SCN3B: variants seen among roughly 807,000 people sequenced by gnomAD.
SCN3B encodes sodium channel regulatory subunit beta-3.
SCN3B carries 11 observed loss-of-function variants against 25.4 expected under a neutral mutation model. That is an observed-to-expected ratio of 0.43 (90% CI 0.27 to 0.72). SCN3B has a LOEUF of 0.72. Among genes scored for constraint, SCN3B ranks in the 30% least tolerant of loss-of-function variants. The pLI is 0.18. For missense variants in SCN3B, 218 were observed against 278.3 expected (o/e 0.78, Z 1.54); for synonymous variants, 109 against 110.7 (o/e 0.99, Z 0.09).
At chr11:123,638,090 T>A in intron 5 of SCN3B, 96 bp downstream of exon 5, 2 of 1,389,260 alleles carry the variant, frequency 1.4e-6, no homozygotes, top group Non-Finnish European at 2.0e-6. Context: ...ATGAAGAGGG[T>A]GGAGGATGAA....
chr11:123,653,773 A>G lies in SCN3B; in HGVS notation c.29T>C (p.Leu10Pro), dbSNP rs121918282. 686 of 1,614,104 alleles carry G rather than the reference A, an allele frequency of 4.3e-4. No individual in the cohort carries two copies. Among genetic ancestry groups the G allele is most frequent in the Non-Finnish European group, 5.3e-4 (631 of 1,180,048 alleles). MPAFNRLFP[L>P]ASLVLIYWVS... ...CCAGTAGATAAGCACGAGAGAAGCCAGGGGAAACAATCTATTGAAGGCAGG... is the reference window on the plus strand; with the variant it reads ...CCAGTAGATAAGCACGAGAGAAGCCGGGGGAAACAATCTATTGAAGGCAGG... The change falls in exon 2 of 7, where the codon CTG (leucine) becomes CCG (proline). Residue 10 changes from leucine (L) to proline (P), a missense_variant. By Grantham distance (98) the Leu-to-Pro change is moderately conservative. Coordinates refer to ENST00000299333, the MANE Select transcript of SCN3B (RefSeq NM_001040151.2).
At chr11:123,644,802 T>TAC (rs1955833267) in intron 3 of SCN3B, among the ~76,000 whole-genome samples, 1 of 24,118 alleles carries the variant, frequency 4.1e-5, no homozygotes, top group Non-Finnish European at 7.2e-5. Flanking sequence ...AGAGAGAGAA[T>TAC]ATATATATAT....
chr11:123,629,195 C>T lies in SCN3B; in HGVS notation c.*4604G>A, dbSNP rs1351995927. 6.6e-6 allele frequency: 1 copy of T among 152,178 alleles called. No homozygotes were observed. Among genetic ancestry groups the T allele is most frequent in the Non-Finnish European group, 1.5e-5 (1 of 68,038 alleles). The allele number at this position is 152,178 out of a possible 1,614,324, so 9.4% of individuals were successfully genotyped here. ...GAGCAAAACCAGAGACAGTGGTTTT[C>T]AGGGATACTTTATTGACATGAACAA... On this transcript the variant is annotated 3_prime_UTR_variant, in exon 7 of 7. Transcript: ENST00000299333.
intron 2 of SCN3B, among the ~76,000 whole-genome samples, chr11:123,651,103 T>A (rs1955919957): frequency 6.6e-6 from 1 of 150,478 alleles, no homozygotes; most frequent in African/African-American, 2.4e-5. Flanking sequence ...GTATTAATTA[T>A]TTATTGTATT....
intron 5 of SCN3B, among the ~76,000 whole-genome samples, chr11:123,637,125 T>C (rs1404111338): frequency 1.3e-5 from 2 of 152,216 alleles, no homozygotes; most frequent in African/African-American, 4.8e-5. Flanking sequence ...GCCAGCATGA[T>C]CTCTTAAGAC....
At position 123,642,980 on chromosome 11, in the gene SCN3B, G is replaced by T. The variant is rs1955809463; in HGVS notation, c.220-309C>A. The stretch of plus-strand genomic sequence containing the variant: ...GCAGAAAAAAAGGGGTGGAAAGAGG[G>T]AGAACAAAGGCAGGCGGGAGAAGAG... On this transcript the variant is annotated intron_variant, in intron 3 of 6. Coordinates refer to ENST00000299333, the MANE Select transcript of SCN3B (RefSeq NM_001040151.2). This position sits in a 1 kb window ranked among gnomAD's most constrained non-coding sequence, Gnocchi z 4.3. Among the ~76,000 whole-genome samples the T allele has an allele frequency of 6.6e-6, 1 of 152,116 alleles. No homozygotes were observed. The highest frequency in any genetic ancestry group is 1.5e-5 in the Non-Finnish European group (1 of 68,018).
intron 4 of SCN3B, among the ~76,000 whole-genome samples, chr11:123,641,973 A>G (rs374901064): frequency 1.3e-5 from 2 of 152,172 alleles, no homozygotes; most frequent in Non-Finnish European, 1.5e-5. Flanking sequence ...GCTGGCTTCC[A>G]AAAAGCCCTG....
intron 5 of SCN3B, among the ~76,000 whole-genome samples, chr11:123,637,289 A>G (rs75254384): frequency 6.6e-6 from 1 of 152,090 alleles, no homozygotes; most frequent in Non-Finnish European, 1.5e-5. Context: ...GGGAAATAAC[A>G]TGTTGCTTGG....
intron 5 of SCN3B, 71 bp downstream of exon 5, chr11:123,638,115 C>T (rs1386088935): frequency 1.6e-5 from 25 of 1,575,294 alleles, no homozygotes; most frequent in Non-Finnish European, 2.1e-5. Flanking sequence ...AACTGCTTAG[C>T]ACCTCACCTG....
chr11:123,649,089 A>T (rs1011485058), intron 2 of SCN3B, among the ~76,000 whole-genome samples: 2 of 152,208 alleles, frequency 1.3e-5, no homozygotes, highest in Admixed American at 6.5e-5. Context: ...TGGTACAGGG[A>T]TCGGATTGGA....
chr11:123,644,937 T>C (rs867059347), intron 3 of SCN3B, among the ~76,000 whole-genome samples: 1 of 150,566 alleles, frequency 6.6e-6, no homozygotes, highest in African/African-American at 2.4e-5. Flanking sequence ...GAACTGACAC[T>C]GGCTATGGTG....
rs1157585368 is a variant in SCN3B, at chr11:123,632,110, G to A, written c.*1689C>T. 6.6e-6 allele frequency: 1 copy of A among 152,086 alleles called. No individual in the cohort carries two copies. Among genetic ancestry groups the A allele is most frequent in the African/African-American group, 2.4e-5 (1 of 41,418 alleles). The allele number at this position is 152,086 out of a possible 1,614,324, so 9.4% of individuals were successfully genotyped here. A position where few individuals can be genotyped will look rare whatever the true frequency, so the allele number is the denominator to read the frequency against. ...GTCACTTAATTAAAATGAAACACGA[G>A]ATATTGACTAAAGTTTTTTCCAGTT... On this transcript the variant is annotated 3_prime_UTR_variant, in exon 7 of 7. Coordinates refer to ENST00000299333, the MANE Select transcript of SCN3B (RefSeq NM_001040151.2).
Position 123,632,344 on chromosome 11 carries a change from A to G in SCN3B, c.*1455T>C, listed in dbSNP as rs1321065721. The G allele has an allele frequency of 6.6e-6, 1 of 152,102 alleles. No homozygotes were observed. The highest frequency in any genetic ancestry group is 1.5e-5 in the Non-Finnish European group (1 of 68,032). The allele number at this position is 152,102 out of a possible 1,614,324, so 9.4% of individuals were successfully genotyped here. A position where few individuals can be genotyped will look rare whatever the true frequency, so the allele number is the denominator to read the frequency against. ...ATTTCAGAGTCACAGATCTTTACAT[A>G]AAGGAAGTTCTTTAAGTCTACCTCA... On this transcript the variant is annotated 3_prime_UTR_variant, in exon 7 of 7. Transcript: ENST00000299333.
At chr11:123,644,766 T>TGAGAGA (rs371690210) in intron 3 of SCN3B, among the ~76,000 whole-genome samples, 35 of 94,694 alleles carry the variant, frequency 3.7e-4, no homozygotes, top group African/African-American at 8.9e-4. Context: ...GAGACCCCGT[T>TGAGAGA]GAGAGAGAGA....
chr11:123,635,791 G>GTGGGCAAAC (rs1446756566), intron 5 of SCN3B, among the ~76,000 whole-genome samples: 12 of 152,166 alleles, frequency 7.9e-5, no homozygotes, highest in African/African-American at 2.7e-4. Flanking sequence ...TAGACCGAGG[G>GTGGGCAAAC]TGGGCAAACT....
intron 2 of SCN3B, among the ~76,000 whole-genome samples, chr11:123,649,426 G>A (rs1231810531): frequency 2.0e-5 from 3 of 152,064 alleles, no homozygotes; most frequent in South Asian, 2.1e-4. Context: ...CTAGTTTCAG[G>A]GCATGAGAAC....
intron 3 of SCN3B, among the ~76,000 whole-genome samples, chr11:123,645,372 C>G (rs1249325227): frequency 6.6e-6 from 1 of 152,170 alleles, no homozygotes; most frequent in Non-Finnish European, 1.5e-5. Flanking sequence ...CTTCCTCCAG[C>G]CCATAATCAA....
chr11:123,640,605 C>A (rs1955776783), intron 4 of SCN3B: 1 of 152,216 alleles, frequency 6.6e-6, no homozygotes, highest in African/African-American at 2.4e-5. Context: ...GGCGAACAAT[C>A]TGGATTTTCA....
chr11:123,645,845 GAC>G, intron 2 of SCN3B, 95 bp from the exon 3 acceptor site: 1 of 1,413,168 alleles, frequency 7.1e-7, no homozygotes, highest in Non-Finnish European at 9.9e-7. Flanking sequence ...AGGGAAGAGA[GAC>G]AGAGAAGGAA....
Sources: gnomAD v4.1 joint callset for allele counts (sites outside exome capture counted in the v4.1 genomes callset) on GRCh38, gnomAD v4.1.1 for gene constraint, Gnocchi (gnomAD v3.1) non-coding constraint, MANE v1.5 for transcripts, NCBI Gene and HGNC (gene_info 2026-07-23, HGNC 2026-07-21) for gene names.